ZNF420: variants seen among roughly 807,000 people sequenced by gnomAD.
The protein encoded by ZNF420 is zinc finger protein 420.
ZNF420 carries 31 observed loss-of-function variants against 44.7 expected under a neutral mutation model. That is an observed-to-expected ratio of 0.69 (90% CI 0.52 to 0.94). The LOEUF is 0.94. Among genes scored for constraint, ZNF420 ranks in the 40% least tolerant of loss-of-function variants. ZNF420 has a pLI of 0.00. For synonymous variants in ZNF420, 245 were observed against 267.4 expected (o/e 0.92, Z 0.82); for missense variants, 681 against 827.9 (o/e 0.82, Z 2.18).
chr19:37,128,913 A>G lies in ZNF420; in HGVS notation c.1922A>G (p.Lys641Arg). The change falls in exon 5 of 5, where the codon AAA (lysine) becomes AGA (arginine). Residue 641 changes from lysine (K) to arginine (R), a missense_variant. Physicochemically the swap from Lys to Arg is conservative, Grantham distance 26. Transcript: ENST00000337995. ...CATCAGAGAATTCATACTGGTGAGA[A>G]ACCATATCAATGTAAGGAATGTGGG... ...SRHQRIHTGEKPYQCKECGKA... is the reference protein window; with the variant it reads ...SRHQRIHTGERPYQCKECGKA... The G allele has an allele frequency of 6.2e-7, 1 of 1,614,120 alleles. No homozygotes were observed. The highest frequency in any genetic ancestry group is 8.5e-7 in the Non-Finnish European group (1 of 1,179,986).
chr19:37,081,328 G>C (rs576650261), intron 2 of ZNF420, among the ~76,000 whole-genome samples: 25 of 152,170 alleles, frequency 1.6e-4, no homozygotes, highest in Middle Eastern at 3.4e-3. Flanking sequence ...ATGCATCTTA[G>C]TAAATGTTCC....
At chr19:37,012,345 C>T (rs186170012) in intron 1 of ZNF420, among the ~76,000 whole-genome samples, 4 of 152,346 alleles carry the variant, frequency 2.6e-5, no homozygotes, top group East Asian at 3.9e-4. Context: ...GCGTGAGGCG[C>T]GAACAGATTC....
At chr19:37,096,766 C>T (rs1969476995) in intron 4 of ZNF420, among the ~76,000 whole-genome samples, 1 of 152,108 alleles carries the variant, frequency 6.6e-6, no homozygotes, top group African/African-American at 2.4e-5. Context: ...CATATTTTTC[C>T]AGTATTTGTT....
intron 1 of ZNF420, among the ~76,000 whole-genome samples, chr19:37,064,046 G>A (rs928473489): frequency 2.0e-5 from 3 of 152,140 alleles, no homozygotes; most frequent in Non-Finnish European, 1.5e-5. Context: ...CTCATGATAA[G>A]GTTCCGAGTT....
At chr19:37,100,803 T>C (rs1264271347) in intron 4 of ZNF420, among the ~76,000 whole-genome samples, 1 of 152,206 alleles carries the variant, frequency 6.6e-6, no homozygotes, top group African/African-American at 2.4e-5. Context: ...GCAGTGTCAT[T>C]GGTGGTATTT....
chr19:37,022,755 C>A lies in ZNF420; in HGVS notation c.-125+14673C>A, dbSNP rs144358069. ...AATATACTGTAGGTACTACTATCGCCATTTACATATGATGCCCAGAGGGGA... is the reference window on the plus strand; with the variant it reads ...AATATACTGTAGGTACTACTATCGCAATTTACATATGATGCCCAGAGGGGA... On this transcript the variant is annotated intron_variant, in intron 1 of 4. Coordinates refer to the ZNF420 transcript ENST00000587029. Among the ~76,000 whole-genome samples, 598 of 152,038 alleles carry A rather than the reference C, an allele frequency of 3.9e-3. 4 individuals carry two copies. Among genetic ancestry groups the A allele is most frequent in the African/African-American group, 0.014 (582 of 41,458 alleles).
chr19:37,130,139 C>A lies in ZNF420; in HGVS notation c.*1081C>A. 1 of 1,550,368 alleles carries A rather than the reference C, an allele frequency of 6.5e-7. No individual in the cohort carries two copies. ...TTTTCCGTGCCTACAATGTGGACAT[C>A]TAAGCTGGAGCTCCGTTACTCTCAT... On this transcript the variant is annotated 3_prime_UTR_variant, in exon 5 of 5. Coordinates refer to ENST00000337995, the MANE Select transcript of ZNF420 (RefSeq NM_144689.5).
chr19:37,057,233 G>T (rs532071194), intron 1 of ZNF420, among the ~76,000 whole-genome samples: 2 of 152,362 alleles, frequency 1.3e-5, no homozygotes, highest in Non-Finnish European at 2.9e-5. Flanking sequence ...AGGGGAAGCA[G>T]TGCGGCATCC....
chr19:37,116,453 C>CT (rs777286734), intron 4 of ZNF420, among the ~76,000 whole-genome samples: 3 of 151,332 alleles, frequency 2.0e-5, no homozygotes, highest in Admixed American at 6.6e-5. Context: ...TCTTAAAACA[C>CT]TTTTTTTGGA....
At chr19:37,073,190 G>A (rs568684292) in intron 1 of ZNF420, among the ~76,000 whole-genome samples, 1 of 152,094 alleles carries the variant, frequency 6.6e-6, no homozygotes, top group African/African-American at 2.4e-5. Context: ...CTGGGTGACA[G>A]AGCGAGACCC....
At chr19:37,103,226 C>T (rs1213205289) in intron 4 of ZNF420, among the ~76,000 whole-genome samples, 2 of 152,030 alleles carry the variant, frequency 1.3e-5, no homozygotes, top group African/African-American at 4.8e-5. Context: ...CCTTCTATAA[C>T]AAACATCATA....
chr19:37,008,915 C>T (rs902197434), intron 1 of ZNF420, among the ~76,000 whole-genome samples: 17 of 152,178 alleles, frequency 1.1e-4, no homozygotes, highest in Admixed American at 1.1e-3. Context: ...TGATTGTTTC[C>T]CTCTGCAAAC....
intron 1 of ZNF420, among the ~76,000 whole-genome samples, chr19:37,036,184 G>T (rs146433881): frequency 1.2e-3 from 188 of 152,230 alleles, no homozygotes; most frequent in African/African-American, 4.3e-3. Flanking sequence ...GTAGCATGAC[G>T]ATCGTTAACA....
At chr19:37,065,536 G>A (rs1000647747) in intron 1 of ZNF420, among the ~76,000 whole-genome samples, 8 of 152,222 alleles carry the variant, frequency 5.3e-5, no homozygotes, top group African/African-American at 1.9e-4. Context: ...AGCTGGGAAT[G>A]GCCCTTGGCT....
chr19:37,115,239 T>C (rs1246134018), intron 4 of ZNF420: 1 of 160,398 alleles, frequency 6.2e-6, no homozygotes, highest in Non-Finnish European at 1.4e-5. Flanking sequence ...GTGTTTCTCG[T>C]CAGGTGGAAT....
At chr19:37,063,846 T>G (rs1163495180) in intron 1 of ZNF420, among the ~76,000 whole-genome samples, 1 of 152,350 alleles carries the variant, frequency 6.6e-6, no homozygotes, top group Middle Eastern at 3.4e-3. Context: ...GTGTTGCCAA[T>G]TGTGCCATTA....
chr19:37,033,391 A>T (rs1308404981), intron 1 of ZNF420, among the ~76,000 whole-genome samples: 2 of 152,314 alleles, frequency 1.3e-5, no homozygotes, highest in East Asian at 3.9e-4. Context: ...GTACCTGGGA[A>T]CCATCATTCT....
chr19:37,070,513 T>C (rs535785035), intron 1 of ZNF420, among the ~76,000 whole-genome samples: 1 of 152,192 alleles, frequency 6.6e-6, no homozygotes, highest in Non-Finnish European at 1.5e-5. Flanking sequence ...TCAACACATA[T>C]AGTTGATACA....
intron 4 of ZNF420, among the ~76,000 whole-genome samples, chr19:37,093,448 C>T (rs1247849832): frequency 2.0e-5 from 3 of 152,118 alleles, no homozygotes; most frequent in Non-Finnish European, 4.4e-5. Flanking sequence ...GTCTCAAACT[C>T]CTGACCTCGT....
Sources: gnomAD v4.1 joint callset for allele counts (sites outside exome capture counted in the v4.1 genomes callset) on GRCh38, gnomAD v4.1.1 for gene constraint, MANE v1.5 for transcripts, NCBI Gene and HGNC (gene_info 2026-07-23, HGNC 2026-07-21) for gene names.